The following SLC6A6 variants were observed in gnomAD, a reference collection of about 807,000 sequenced individuals.
SLC6A6 encodes the protein solute carrier family 6 member 6, also known as sodium- and chloride-dependent taurine transporter.
A neutral mutation model predicts 68.8 loss-of-function variants in SLC6A6; 16 were observed. The ratio of observed to expected loss-of-function variants is 0.23; its 90% confidence interval spans 0.16 to 0.35. SLC6A6 has a LOEUF of 0.35. SLC6A6 is among the 10% of genes least tolerant of loss of function. The pLI is 1.00. For synonymous variants in SLC6A6, 312 were observed against 315.4 expected (o/e 0.99, Z 0.12); for missense variants, 474 against 802.8 (o/e 0.59, Z 4.95).
chr3:14,439,230 C>T lies in SLC6A6; in HGVS notation c.-11-4394C>T, dbSNP rs539894214. On this transcript the variant is annotated intron_variant, in intron 2 of 14. Transcript: ENST00000622186. ...CTCAGCCAGGCTGCTCGCTTCCCTG[C>T]GTGAGCCTCAGCTTCCTTTATCTAT... is the stretch of plus-strand genomic sequence containing the variant. Among the ~76,000 whole-genome samples, 283 of 152,362 alleles carry T rather than the reference C, an allele frequency of 1.9e-3. 14 individuals carry two copies. In the South Asian group the frequency reaches 0.05, roughly 27 times the overall value.
intron 2 of SLC6A6, among the ~76,000 whole-genome samples, chr3:14,419,499 A>G (rs982206611): frequency 6.6e-6 from 1 of 152,242 alleles, no homozygotes; most frequent in Non-Finnish European, 1.5e-5. Flanking sequence ...CAACCCATGT[A>G]GTGGAGTCCA....
At chr3:14,459,784 C>T (rs1165009396) in intron 6 of SLC6A6, among the ~76,000 whole-genome samples, 1 of 152,082 alleles carries the variant, frequency 6.6e-6, no homozygotes, top group Non-Finnish European at 1.5e-5. Flanking sequence ...GCCTCAGTTT[C>T]CTCCTCTATA....
chr3:14,449,466 G>C (rs75140103), intron 5 of SLC6A6, among the ~76,000 whole-genome samples: 6,029 of 152,242 alleles, frequency 0.04, 137 homozygotes, highest in South Asian at 0.1. Context: ...GCTGTTTTTG[G>C]AGTGGCCTGA....
chr3:14,454,334 C>A lies in SLC6A6; in HGVS notation c.600-3616C>A, dbSNP rs975893400. Among the ~76,000 whole-genome samples the A allele has an allele frequency of 2.0e-5, 3 of 152,118 alleles. No homozygotes were observed. The South Asian group carries it at 6.2e-4, about 31-fold the overall frequency. ...TGTGGGGAGCCTGTGCAGCTTCCTC[C>A]TGGGGTACTTAGGAGGCACAGGTGA... On this transcript the variant is annotated intron_variant, in intron 5 of 14. Coordinates refer to ENST00000622186, the MANE Select transcript of SLC6A6 (RefSeq NM_003043.6).
In SLC6A6 at chr3:14,478,001, C is replaced by G. The variant is rs555922049; in HGVS notation, c.1348-465C>G. Among the ~76,000 whole-genome samples, 305 of 152,230 alleles carry G rather than the reference C, an allele frequency of 2.0e-3. 1 individual carries two copies. The highest frequency in any genetic ancestry group is 3.5e-3 in the Admixed American group (53 of 15,300). On this transcript the variant is annotated intron_variant, in intron 11 of 14. Transcript: ENST00000622186. ...GCACGCTCTCTCCTGCATGCCCCCC[C>G]CCACCACCTCCCCTGTTCCCCAGGA...
intron 2 of SLC6A6, among the ~76,000 whole-genome samples, chr3:14,417,197 A>G (rs940943369): frequency 2.6e-5 from 4 of 152,208 alleles, no homozygotes; most frequent in African/African-American, 9.7e-5. Context: ...AAATAAAATT[A>G]TAAATAAACA....
intron 6 of SLC6A6, among the ~76,000 whole-genome samples, chr3:14,464,206 C>T (rs1049977032): frequency 1.3e-5 from 2 of 152,162 alleles, no homozygotes; most frequent in Non-Finnish European, 2.9e-5. Context: ...TGGCTTCAGA[C>T]CTGAGGGCCT....
intron 3 of SLC6A6, 50 bp from the exon 4 acceptor site, chr3:14,445,667 C>T (rs538558321): frequency 5.8e-5 from 93 of 1,610,238 alleles, no homozygotes; most frequent in Non-Finnish European, 5.9e-5. Context: ...CCTTCTGCGT[C>T]GGCGCTGCCA....
intron 6 of SLC6A6, among the ~76,000 whole-genome samples, chr3:14,463,469 T>C (rs1248351877): frequency 1.3e-5 from 2 of 152,204 alleles, no homozygotes; most frequent in Non-Finnish European, 2.9e-5. Context: ...CACAGACCAC[T>C]GGGTTGCTTG....
At chr3:14,460,878 C>G (rs566279155) in intron 6 of SLC6A6, among the ~76,000 whole-genome samples, 1 of 152,336 alleles carries the variant, frequency 6.6e-6, no homozygotes, top group South Asian at 2.1e-4. Flanking sequence ...GCTGCCTGCT[C>G]GCTGGCCATG....
At chr3:14,432,423 T>C (rs1043757806) in intron 2 of SLC6A6, among the ~76,000 whole-genome samples, 1 of 152,114 alleles carries the variant, frequency 6.6e-6, no homozygotes, top group Non-Finnish European at 1.5e-5. Context: ...GGTGAGTCAG[T>C]GCCAGGAGGT....
chr3:14,433,802 C>CAAAA (rs67806643), intron 2 of SLC6A6, among the ~76,000 whole-genome samples: 39 of 77,510 alleles, frequency 5.0e-4, no homozygotes, highest in African/African-American at 1.8e-3. Flanking sequence ...GACTCTGTCT[C>CAAAA]AAAAAAAAAA....
At chr3:14,484,742 G>A (rs1421498374) in intron 14 of SLC6A6, 125 bp from the exon 15 acceptor site, 1 of 880,004 alleles carries the variant, frequency 1.1e-6, no homozygotes, top group East Asian at 2.6e-5. Context: ...GGAGATCAGA[G>A]AGGGTGTGAG....
intron 9 of SLC6A6, among the ~76,000 whole-genome samples, chr3:14,470,323 C>T (rs1374817798): frequency 6.6e-6 from 1 of 152,210 alleles, no homozygotes; most frequent in Non-Finnish European, 1.5e-5. Context: ...AAGCTTTTAA[C>T]AAGCACCATA....
At chr3:14,466,872 G>A (rs766864879) in intron 7 of SLC6A6, among the ~76,000 whole-genome samples, 12 of 152,200 alleles carry the variant, frequency 7.9e-5, no homozygotes, top group Non-Finnish European at 1.6e-4. Flanking sequence ...CTCTTTTCAT[G>A]TCAAGGACGT....
In SLC6A6 at chr3:14,419,660, G is replaced by A. The variant is rs149289837; in HGVS notation, c.-12+3207G>A. Among the ~76,000 whole-genome samples, 1,091 of 152,260 alleles carry A rather than the reference G, an allele frequency of 7.2e-3. 12 individuals are homozygous for A. The highest frequency in any genetic ancestry group is 0.023 in the African/African-American group (945 of 41,532). ...TGGCACCCAGGAGGGTTAGAAAGAC[G>A]GTGATACTGGGATTTTGGGGTGGGG... is the stretch of plus-strand genomic sequence containing the variant. On this transcript the variant is annotated intron_variant, in intron 2 of 14. Transcript: ENST00000622186.
At chr3:14,423,116 C>A (rs560991639) in intron 2 of SLC6A6, among the ~76,000 whole-genome samples, 1 of 152,276 alleles carries the variant, frequency 6.6e-6, no homozygotes, top group South Asian at 2.1e-4. Context: ...CCACATGACA[C>A]CCTTAGTAAT....
At chr3:14,424,217 T>G (rs1037455213) in intron 2 of SLC6A6, among the ~76,000 whole-genome samples, 1 of 151,928 alleles carries the variant, frequency 6.6e-6, no homozygotes, top group Non-Finnish European at 1.5e-5. Flanking sequence ...TTGCTGTGGT[T>G]CAGGCCCCAG....
chr3:14,429,543 ATCTC>A (rs375624243), intron 2 of SLC6A6, among the ~76,000 whole-genome samples: 5 of 152,290 alleles, frequency 3.3e-5, no homozygotes, highest in African/African-American at 1.2e-4. Flanking sequence ...GCCAGCCTTA[ATCTC>A]TTTCCTGAGC....
Sources: gnomAD v4.1 joint callset for allele counts (sites outside exome capture counted in the v4.1 genomes callset) on GRCh38, gnomAD v4.1.1 for gene constraint, MANE v1.5 for transcripts, NCBI Gene and HGNC (gene_info 2026-07-23, HGNC 2026-07-21) for gene names.